Variants in DTX1 observed in about 807,000 individuals in gnomAD.
DTX1 encodes deltex E3 ubiquitin ligase 1.
A neutral mutation model predicts 57.8 loss-of-function variants in DTX1; 26 were observed. The observed-to-expected ratio is 0.45, with a 90% CI of 0.33 to 0.62. DTX1 has a LOEUF of 0.62. Ranked by LOEUF, DTX1 falls within the 20% of genes least tolerant of loss-of-function variation. The pLI, the probability that DTX1 is intolerant of heterozygous loss-of-function variation, is 0.02. For synonymous variants in DTX1, 398 were observed against 394.1 expected, an observed-to-expected ratio of 1.01 and a Z score of -0.12; for missense variants, 704 against 895.3, an observed-to-expected ratio of 0.79 and a Z score of 2.73.
chr12:113,068,992 C>T (rs1388064287), intron 2 of DTX1, among the ~76,000 whole-genome samples: 2 of 152,200 alleles, frequency 1.3e-5, no homozygotes, highest in Non-Finnish European at 2.9e-5. Flanking sequence ...TTGTACAAGA[C>T]AGTGATCGTA....
rs769437286 is a variant in DTX1 at position 113,058,321 on chromosome 12, C to T, written c.129C>T (p.Thr43=). The change falls in exon 2 of 10, where the codon ACC becomes ACT. Residue 43 remains threonine, a synonymous_variant. Coordinates refer to ENST00000548759, the MANE Select transcript of DTX1 (RefSeq NM_004416.3). ...EHSRWRPYTA[T]VCHHIENVLK... is the part of the protein sequence containing the mutation. Reference sequence around the variant, plus strand: ...GCCGCTGGCGGCCCTACACGGCCACCGTGTGCCACCACATTGAGAACGTGC... The same window carrying T: ...GCCGCTGGCGGCCCTACACGGCCACTGTGTGCCACCACATTGAGAACGTGC... The T allele has an allele frequency of 4.3e-6, 7 of 1,613,508 alleles. No homozygotes were observed. In the Admixed American group the frequency reaches 5.0e-5, roughly 12 times the overall value.
chr12:113,057,658 C>CGAGAA lies in DTX1; in HGVS notation c.-535_-534insGAGAA, dbSNP rs1303598058. ...GCAGGGACGCCCCCTTCGGCAGGAG[C>CGAGAA]CGTCGGAGAAGGGGGCCCAGACCGG... On this transcript the variant is annotated 5_prime_UTR_variant, in exon 2 of 10. Coordinates refer to ENST00000548759, the MANE Select transcript of DTX1 (RefSeq NM_004416.3). 6.4e-6 allele frequency: 1 copy of CGAGAA among 155,512 alleles called. No individual in the cohort carries two copies. The highest frequency in any genetic ancestry group is 1.4e-5 in the Non-Finnish European group (1 of 70,152). 9.6% of individuals were successfully genotyped at this position (155,512 alleles called of 1,614,324 possible).
chr12:113,082,825 T>C (rs2044828315), intron 3 of DTX1, among the ~76,000 whole-genome samples: 3 of 152,316 alleles, frequency 2.0e-5, no homozygotes, highest in African/African-American at 7.2e-5. Flanking sequence ...CTCAAACTCC[T>C]GGCCTCAAGC....
At chr12:113,087,583 A>G (rs1234146695) in intron 3 of DTX1, among the ~76,000 whole-genome samples, 2 of 151,968 alleles carry the variant, frequency 1.3e-5, no homozygotes, top group East Asian at 3.9e-4. Context: ...GAAAGGAGAA[A>G]GGGAGAGGGT....
intron 3 of DTX1, among the ~76,000 whole-genome samples, chr12:113,091,168 C>T (rs1950244200): frequency 6.6e-6 from 1 of 152,066 alleles, no homozygotes; most frequent in Non-Finnish European, 1.5e-5. Flanking sequence ...CGACTCTTGT[C>T]CAATGGAGTA....
chr12:113,063,807 C>G (rs2044682370), intron 2 of DTX1, among the ~76,000 whole-genome samples: 2 of 152,184 alleles, frequency 1.3e-5, no homozygotes, highest in African/African-American at 4.8e-5. Context: ...GCTGGAGACC[C>G]TTAGGCTGTT....
intron 2 of DTX1, among the ~76,000 whole-genome samples, chr12:113,070,396 G>C (rs902893612): frequency 2.0e-5 from 3 of 152,176 alleles, no homozygotes; most frequent in African/African-American, 7.2e-5. Flanking sequence ...CCCCCTTCCC[G>C]TCAGGGTCTG....
chr12:113,094,739 T>C (rs12422420), intron 6 of DTX1, 50 bp from the exon 7 acceptor site: 220,778 of 1,586,624 alleles, frequency 0.14, 16,776 homozygotes, highest in Middle Eastern at 0.17. Context: ...GCTGACCCAG[T>C]AGGTGCCCTG....
In DTX1 at chr12:113,097,020, C is replaced by T; in HGVS notation, c.*81C>T. On this transcript the variant is annotated 3_prime_UTR_variant, in exon 10 of 10. Transcript: ENST00000548759. ...CTTCGCCAGGTGTGTCCTGGTAGCC[C>T]AGGTTCAGGGCTGGGGAGGAGCCTG... 17 of 1,453,062 alleles carry T rather than the reference C, an allele frequency of 1.2e-5. No individual in the cohort carries two copies. The highest frequency in any genetic ancestry group is 1.6e-5 in the Non-Finnish European group (17 of 1,087,516). 90.0% of individuals were successfully genotyped at this position (1,453,062 alleles called of 1,614,324 possible).
At position 113,077,491 on chromosome 12, in the gene DTX1, G is replaced by A; in HGVS notation, c.327G>A (p.Trp109Ter). 6.2e-7 allele frequency: 1 copy of A among 1,613,288 alleles called. No homozygotes were observed. The highest frequency in any genetic ancestry group is 8.5e-7 in the Non-Finnish European group (1 of 1,179,900). Residue 109 changes from tryptophan (W) to a stop codon, truncating the protein, a stop_gained, in exon 3 of 10, where the codon TGG (tryptophan) becomes TGA (stop). Coordinates refer to ENST00000548759, the MANE Select transcript of DTX1 (RefSeq NM_004416.3). LOFTEE classifies it high-confidence loss of function. The surrounding 1 kb of genome is among the most constrained non-coding windows in gnomAD (Gnocchi z 7.8). ...CGGCGCCGGGCAAGGGCATCGTGTG[G>A]GAGTGGGAGAACGACGGCGGCGCAT... Reference protein sequence around the residue: ...PSSAPGKGIVWEWENDGGAWT... With the variant: ...PSSAPGKGIV
chr12:113,060,392 C>T (rs1458057928), intron 2 of DTX1, among the ~76,000 whole-genome samples: 2 of 151,912 alleles, frequency 1.3e-5, no homozygotes, highest in South Asian at 2.1e-4. Context: ...GTGGCAGATC[C>T]GAGAGCATGA....
intron 3 of DTX1, among the ~76,000 whole-genome samples, chr12:113,088,839 TTTGTTG>T (rs34865485): frequency 6.0e-5 from 9 of 149,858 alleles, no homozygotes; most frequent in Admixed American, 3.3e-4. Context: ...CCTCAAAAGT[TTTGTTG>T]TTGTTGTTGT....
chr12:113,058,216 G>T lies in DTX1; in HGVS notation c.24G>T (p.Gly8=). ...CCATGTCACGGCCAGGCCACGGTGG[G>T]CTGATGCCTGTGAATGGTCTGGGCT... MSRPGHG[G]LMPVNGLGFP... The change falls in exon 2 of 10, where the codon GGG becomes GGT. Residue 8 remains glycine, a synonymous_variant. Transcript: ENST00000548759. 1.2e-6 allele frequency: 2 copies of T among 1,611,098 alleles called. No individual in the cohort carries two copies. The highest frequency in any genetic ancestry group is 8.5e-7 in the Non-Finnish European group (1 of 1,178,954).
At chr12:113,057,267 C>T (rs2044631195) in intron 1 of DTX1, among the ~76,000 whole-genome samples, 182 bp from the exon 2 acceptor site, 1 of 152,140 alleles carries the variant, frequency 6.6e-6, no homozygotes, top group Non-Finnish European at 1.5e-5. Flanking sequence ...AAACCGCGCC[C>T]CCGGCCCCTG....
chr12:113,058,119 GC>G lies in DTX1; in HGVS notation c.-72del. 6.8e-7 allele frequency: 1 copy of G among 1,475,034 alleles called. No homozygotes were observed. The highest frequency in any genetic ancestry group is 9.0e-7 in the Non-Finnish European group (1 of 1,113,964). 91.4% of individuals were successfully genotyped at this position (1,475,034 alleles called of 1,614,324 possible). ...TGTCCCCCTGGGGAGAGAGGAAGTTGCCGCCTGCTGCCAGGCCCAGGAGGAG... is the reference window on the plus strand; with the variant it reads ...TGTCCCCCTGGGGAGAGAGGAAGTTGCGCCTGCTGCCAGGCCCAGGAGGAG... On this transcript the variant is annotated 5_prime_UTR_variant, in exon 2 of 10. Coordinates refer to ENST00000548759, the MANE Select transcript of DTX1 (RefSeq NM_004416.3).
intron 3 of DTX1, among the ~76,000 whole-genome samples, chr12:113,081,706 A>G (rs1029886805): frequency 6.6e-6 from 1 of 152,126 alleles, no homozygotes; most frequent in Non-Finnish European, 1.5e-5. Context: ...TGGTGTGTTC[A>G]GGGAAGGGCT....
intron 3 of DTX1, among the ~76,000 whole-genome samples, chr12:113,084,360 C>T (rs149131822): frequency 6.6e-6 from 1 of 152,280 alleles, no homozygotes; most frequent in East Asian, 1.9e-4. Context: ...ATCGAGCGCT[C>T]CCTATGTCCC....
chr12:113,080,574 G>A (rs1382518292), intron 3 of DTX1, among the ~76,000 whole-genome samples: 1 of 147,438 alleles, frequency 6.8e-6, no homozygotes, highest in Non-Finnish European at 1.5e-5. Flanking sequence ...GTTGTAGCCA[G>A]AATTTTCTTG....
chr12:113,075,783 C>T (rs558219785), intron 2 of DTX1, among the ~76,000 whole-genome samples: 8 of 151,676 alleles, frequency 5.3e-5, no homozygotes, highest in Non-Finnish European at 7.4e-5. Flanking sequence ...AAGGAATGGA[C>T]GAATGCAGGG....
Sources: gnomAD v4.1 joint callset for allele counts (sites outside exome capture counted in the v4.1 genomes callset) on GRCh38, gnomAD v4.1.1 for gene constraint, Gnocchi (gnomAD v3.1) non-coding constraint, MANE v1.5 for transcripts, NCBI Gene and HGNC (gene_info 2026-07-23, HGNC 2026-07-21) for gene names.